STRN3: variants seen among roughly 807,000 people sequenced by gnomAD.
STRN3 encodes the protein striatin 3, also known as striatin-3.
Under a neutral mutation model 95.6 loss-of-function variants are expected in STRN3, and 29 were observed. The ratio of observed to expected loss-of-function variants is 0.30; its 90% CI spans 0.23 to 0.41. The LOEUF is 0.41. Among genes scored for constraint, STRN3 ranks in the 10% least tolerant of loss-of-function variants. STRN3 has a pLI of 1.00. For missense variants in STRN3, 890 were observed against 972.1 expected (o/e 0.92, Z 1.12); for synonymous variants, 331 against 357.6 (o/e 0.93, Z 0.84).
intron 9 of STRN3, among the ~76,000 whole-genome samples, chr14:30,914,148 G>A (rs141441797): frequency 1.3e-5 from 2 of 152,096 alleles, no homozygotes; most frequent in Non-Finnish European, 2.9e-5. Context: ...AGGCATCCTA[G>A]TCCCTGATAA....
chr14:30,959,982 A>G (rs544898315), intron 1 of STRN3, among the ~76,000 whole-genome samples: 2 of 152,338 alleles, frequency 1.3e-5, no homozygotes, highest in Admixed American at 1.3e-4. Flanking sequence ...CTGAATTTGC[A>G]TGTGTAGAAC....
In STRN3 at chr14:30,984,271, A is replaced by T. The variant is rs1196960079; in HGVS notation, c.283-28029T>A. Among the ~76,000 whole-genome samples, 41 of 96,452 alleles carry T rather than the reference A, an allele frequency of 4.3e-4. 3 individuals are homozygous for T. 63.3% of individuals were successfully genotyped at this position (96,452 alleles called of 152,430 possible). On this transcript the variant is annotated intron_variant, in intron 1 of 17. Transcript: ENST00000357479. Reference sequence around the variant, plus strand: ...AAGAAAAGGATGAGGAATTCTAAAAAAAAAAAAAAAAAAAAAAAAAACAGA... The same window carrying T: ...AAGAAAAGGATGAGGAATTCTAAAATAAAAAAAAAAAAAAAAAAAAACAGA...
chr14:30,993,661 C>T (rs1003048105), intron 1 of STRN3, among the ~76,000 whole-genome samples: 2 of 151,440 alleles, frequency 1.3e-5, no homozygotes, highest in African/African-American at 4.8e-5. Context: ...ATATGACTAA[C>T]ACATTCATTG....
intron 1 of STRN3, among the ~76,000 whole-genome samples, chr14:30,982,365 T>C (rs1881453567): frequency 2.0e-5 from 3 of 152,178 alleles, no homozygotes; most frequent in Non-Finnish European, 2.9e-5. Context: ...TGGAGCACAG[T>C]GGCGCAATCT....
intron 15 of STRN3, 92 bp from the exon 16 acceptor site, chr14:30,902,735 C>G: frequency 1.2e-6 from 1 of 818,548 alleles, no homozygotes; most frequent in Non-Finnish European, 1.9e-6. Flanking sequence ...ATATAAAAAT[C>G]ATTAAAAACT....
intron 16 of STRN3, among the ~76,000 whole-genome samples, chr14:30,902,195 AAAAAAAAAAAAAAT>A (rs1454640657): frequency 1.7e-4 from 24 of 144,008 alleles, no homozygotes; most frequent in Admixed American, 3.4e-4. Context: ...AAAAAAAAAA[AAAAAAAAAAAAAAT>A]GGAAATGCCA....
chr14:30,906,914 T>G lies in STRN3; in HGVS notation c.1851A>C (p.Glu617Asp), dbSNP rs758551942. 4 of 1,613,470 alleles carry G rather than the reference T, an allele frequency of 2.5e-6. No homozygotes were observed. Among genetic ancestry groups the G allele is most frequent in the Non-Finnish European group, 3.4e-6 (4 of 1,179,812 alleles). ...TGTAAGTGCAAATACATGGCAATTT[T>G]TCTTGTGGATTCCATAACCTAACAG... Reference protein sequence around the residue: ...DGTVRLWNPQEKLPCICTYNG... With the variant: ...DGTVRLWNPQDKLPCICTYNG... Residue 617 changes from glutamate (E) to aspartate (D), a missense_variant, in exon 14 of 18, where the codon GAA becomes GAC. Physicochemically the swap from Glu to Asp is conservative, Grantham distance 45. Coordinates refer to ENST00000357479, the MANE Select transcript of STRN3 (RefSeq NM_001083893.2).
At chr14:30,926,362 TAAG>T (rs1897027541) in intron 8 of STRN3, among the ~76,000 whole-genome samples, 1 of 152,010 alleles carries the variant, frequency 6.6e-6, no homozygotes, top group Admixed American at 6.5e-5. Flanking sequence ...TATGAAACAT[TAAG>T]AAATAATGAG....
chr14:30,942,100 C>T lies in STRN3; in HGVS notation c.716+4990G>A, dbSNP rs539338970. Among the ~76,000 whole-genome samples the T allele has an allele frequency of 2.0e-5, 3 of 152,258 alleles. No individual in the cohort carries two copies. The East Asian group carries it at 5.8e-4, about 29-fold the overall frequency. ...AATGCACTTATGTTTAATAAGCTTT[C>T]CCAGGGTCACTCAGTCAGTTGCCAT... is the stretch of plus-strand genomic sequence containing the variant. On this transcript the variant is annotated intron_variant, in intron 5 of 17. Transcript: ENST00000357479.
intron 5 of STRN3, among the ~76,000 whole-genome samples, chr14:30,943,876 G>A (rs1047288614): frequency 2.0e-5 from 3 of 151,998 alleles, no homozygotes; most frequent in Non-Finnish European, 4.4e-5. Flanking sequence ...GGGGCCGGAG[G>A]GAGGAGGAAA....
intron 15 of STRN3, among the ~76,000 whole-genome samples, 179 bp from the exon 16 acceptor site, chr14:30,902,822 A>G (rs1050992233): frequency 7.9e-5 from 12 of 152,204 alleles, no homozygotes; most frequent in African/African-American, 2.9e-4. Flanking sequence ...AAACATTTAC[A>G]TTATTATGTC....
intron 1 of STRN3, among the ~76,000 whole-genome samples, chr14:30,978,973 G>C (rs1298305315): frequency 7.3e-6 from 1 of 137,664 alleles, no homozygotes; most frequent in East Asian, 2.3e-4. Context: ...TGCAGAGGTT[G>C]AAGTGGGCCG....
At chr14:30,968,287 A>C (rs1324264658) in intron 1 of STRN3, among the ~76,000 whole-genome samples, 1 of 104,116 alleles carries the variant, frequency 9.6e-6, no homozygotes, top group African/African-American at 3.5e-5. Context: ...TATCATCTTC[A>C]AAAAAAAAAA....
At chr14:30,920,073 G>A (rs868653244) in intron 8 of STRN3, among the ~76,000 whole-genome samples, 26 of 152,148 alleles carry the variant, frequency 1.7e-4, no homozygotes, top group South Asian at 4.2e-4. Flanking sequence ...GGAAGAATCC[G>A]ACTGCTATAT....
chr14:30,934,191 G>T lies in STRN3; in HGVS notation c.988+972C>A, dbSNP rs778264895. 1.0e-3 allele frequency among the ~76,000 whole-genome samples: 157 copies of T among 152,158 alleles called. 2 individuals carry two copies. Among genetic ancestry groups the T allele is most frequent in the Admixed American group, 2.2e-3 (33 of 15,284 alleles). On this transcript the variant is annotated intron_variant, in intron 7 of 17. Coordinates refer to ENST00000357479, the MANE Select transcript of STRN3 (RefSeq NM_001083893.2). Reference sequence around the variant, plus strand: ...ATACAAAGAGTAGCTGGGTGTGGTGGTGCACGCCTGTAATCCCAGCTACTT... The same window carrying T: ...ATACAAAGAGTAGCTGGGTGTGGTGTTGCACGCCTGTAATCCCAGCTACTT...
At chr14:30,913,179 A>G (rs913526089) in intron 10 of STRN3, among the ~76,000 whole-genome samples, 1 of 152,208 alleles carries the variant, frequency 6.6e-6, no homozygotes, top group South Asian at 2.1e-4. Context: ...CTTTTTAAGA[A>G]GTACTCTGAA....
intron 1 of STRN3, among the ~76,000 whole-genome samples, chr14:30,960,742 G>C (rs912884099): frequency 1.3e-5 from 2 of 151,898 alleles, no homozygotes; most frequent in East Asian, 1.9e-4. Flanking sequence ...GGTGGCGGGC[G>C]CCTGTAATCC....
chr14:31,007,415 C>A (rs1296638182), intron 1 of STRN3, among the ~76,000 whole-genome samples: 2 of 152,080 alleles, frequency 1.3e-5, no homozygotes, highest in Non-Finnish European at 1.5e-5. Context: ...GCAATACATA[C>A]CTAGAAAACT....
intron 5 of STRN3, among the ~76,000 whole-genome samples, chr14:30,943,169 C>A (rs1879174759): frequency 6.6e-6 from 1 of 152,160 alleles, no homozygotes; most frequent in Non-Finnish European, 1.5e-5. Flanking sequence ...CATGTTATAT[C>A]ATTTTCTTAT....
Sources: gnomAD v4.1 joint callset for allele counts (sites outside exome capture counted in the v4.1 genomes callset) on GRCh38, gnomAD v4.1.1 for gene constraint, MANE v1.5 for transcripts, NCBI Gene and HGNC (gene_info 2026-07-23, HGNC 2026-07-21) for gene names.